The following NXN variants were observed in gnomAD, a reference collection of about 807,000 sequenced individuals.
NXN encodes nucleoredoxin 1.
NXN carries 16 observed loss-of-function variants against 48.6 expected under a neutral mutation model. That is an observed-to-expected ratio of 0.33 (90% CI 0.22 to 0.50). NXN has a LOEUF of 0.50. Among genes scored for constraint, NXN ranks in the 20% least tolerant of loss-of-function variants. The pLI is 0.98. For synonymous variants in NXN, 281 were observed against 269.6 expected (o/e 1.04, Z -0.41); for missense variants, 492 against 605.5 (o/e 0.81, Z 1.97).
rs543321885 is a variant in NXN at position 800,877 on chromosome 17, A to G, written c.*72T>C. On this transcript the variant is annotated 3_prime_UTR_variant, in exon 8 of 8. Transcript: ENST00000336868. ...GATTCGGGGCACGCTGGGTAAGTCC[A>G]AGGGCGGAAGGAAGGAGGGGGAGGA... is the stretch of plus-strand genomic sequence containing the variant. 1.7e-6 allele frequency: 2 copies of G among 1,157,722 alleles called. No individual in the cohort carries two copies. The highest frequency in any genetic ancestry group is 1.1e-6 in the Non-Finnish European group (1 of 870,556). 71.7% of individuals were successfully genotyped at this position (1,157,722 alleles called of 1,614,324 possible). A position where few individuals can be genotyped will look rare whatever the true frequency, so the allele number is the denominator to read the frequency against.
intron 1 of NXN, among the ~76,000 whole-genome samples, chr17:828,918 A>G (rs12449454): frequency 3.4e-5 from 4 of 116,862 alleles, no homozygotes; most frequent in Non-Finnish European, 5.3e-5. Flanking sequence ...ATTCTTGGAG[A>G]AAAAAAATCA....
intron 1 of NXN, among the ~76,000 whole-genome samples, chr17:900,193 G>A (rs879673681): frequency 6.6e-6 from 1 of 152,106 alleles, no homozygotes; most frequent in Non-Finnish European, 1.5e-5. Flanking sequence ...TGAACCCGGG[G>A]GGGCAGAGGT....
chr17:806,379 C>T (rs1021994208), intron 5 of NXN, among the ~76,000 whole-genome samples: 1 of 151,812 alleles, frequency 6.6e-6, no homozygotes, highest in Non-Finnish European at 1.5e-5. Context: ...AACCAGAAAC[C>T]GCGCAACCCC....
At chr17:944,004 A>G (rs1460373827) in intron 1 of NXN, among the ~76,000 whole-genome samples, 5 of 151,986 alleles carry the variant, frequency 3.3e-5, no homozygotes, top group Admixed American at 6.6e-5. Context: ...TTGGGAGGCC[A>G]AGGTGGGTGG....
chr17:903,082 A>G (rs1407556363), intron 1 of NXN, among the ~76,000 whole-genome samples: 1 of 151,872 alleles, frequency 6.6e-6, no homozygotes, highest in Non-Finnish European at 1.5e-5. Context: ...CCCTCCCATC[A>G]TTTCATCGAC....
rs578253137 is a variant in NXN at position 902,647 on chromosome 17, G to C, written c.361-76569C>G. Among the ~76,000 whole-genome samples, 71 of 152,216 alleles carry C rather than the reference G, an allele frequency of 4.7e-4. 1 individual carries two copies. Among genetic ancestry groups the C allele is most frequent in the African/African-American group, 1.4e-3 (60 of 41,526 alleles). ...AAGGAGACGTGAGGAAAAAAGGTAA[G>C]AGTCACACAGAACAAGCACCACGAC... On this transcript the variant is annotated intron_variant, in intron 1 of 7. Transcript: ENST00000336868.
chr17:823,362 G>T (rs1912920416), intron 3 of NXN, among the ~76,000 whole-genome samples: 3 of 151,624 alleles, frequency 2.0e-5, no homozygotes, highest in African/African-American at 7.3e-5. Context: ...TCGCGCCACT[G>T]CACTCCAGCC....
intron 7 of NXN, among the ~76,000 whole-genome samples, chr17:802,628 T>C (rs1911265011): frequency 6.6e-6 from 1 of 152,180 alleles, no homozygotes; most frequent in Non-Finnish European, 1.5e-5. Context: ...GCAGCCTCCC[T>C]GGGGCTGGGC....
chr17:801,600 G>T (rs1037157090), intron 7 of NXN, among the ~76,000 whole-genome samples: 2 of 151,458 alleles, frequency 1.3e-5, no homozygotes, highest in Non-Finnish European at 1.5e-5. Flanking sequence ...CGCCCACCAC[G>T]CCCGGCTAAT....
At chr17:853,702 C>CATATATATATATATATAT (rs571601948) in intron 1 of NXN, among the ~76,000 whole-genome samples, 125 of 119,264 alleles carry the variant, frequency 1.0e-3, no homozygotes, top group Non-Finnish European at 1.8e-3. Context: ...CTGTTATACA[C>CATATATATATATATATAT]ATATATATAT....
intron 1 of NXN, among the ~76,000 whole-genome samples, chr17:864,390 T>C (rs917677807): frequency 1.3e-5 from 2 of 152,218 alleles, no homozygotes; most frequent in African/African-American, 4.8e-5. Flanking sequence ...CTTAGATCCA[T>C]CTGTGTTCCC....
intron 1 of NXN, among the ~76,000 whole-genome samples, chr17:938,034 AAT>A (rs2068928644): frequency 6.6e-6 from 1 of 152,240 alleles, no homozygotes; most frequent in Admixed American, 6.5e-5. Flanking sequence ...AAGGAAGAGG[AAT>A]GGCTGCAGCT....
At chr17:913,850 T>TATAAA (rs2068659743) in intron 1 of NXN, among the ~76,000 whole-genome samples, 1 of 152,218 alleles carries the variant, frequency 6.6e-6, no homozygotes, top group Non-Finnish European at 1.5e-5. Flanking sequence ...GGACATTCAT[T>TATAAA]ATAACGGCGT....
chr17:946,229 G>A (rs1186871764), intron 1 of NXN, among the ~76,000 whole-genome samples: 2 of 39,446 alleles, frequency 5.1e-5, no homozygotes, highest in Non-Finnish European at 1.5e-4. Flanking sequence ...TCCGCCTCCC[G>A]GGGATCCCTG....
At chr17:891,131 C>A (rs2068412634) in intron 1 of NXN, among the ~76,000 whole-genome samples, 1 of 152,172 alleles carries the variant, frequency 6.6e-6, no homozygotes. Flanking sequence ...CAGGCTGTCA[C>A]ACAGTGGCAC....
chr17:890,286 A>C (rs1304887218), intron 1 of NXN, among the ~76,000 whole-genome samples: 1 of 152,174 alleles, frequency 6.6e-6, no homozygotes, highest in Non-Finnish European at 1.5e-5. Context: ...GTTTGAATAA[A>C]ATTTGTTTTA....
At chr17:872,611 AT>A (rs2068169248) in intron 1 of NXN, among the ~76,000 whole-genome samples, 6 of 117,272 alleles carry the variant, frequency 5.1e-5, no homozygotes, top group Admixed American at 5.0e-4. Flanking sequence ...TCCGGGTGAG[AT>A]CTTTTTTTTT....
At chr17:937,708 T>A (rs568846747) in intron 1 of NXN, among the ~76,000 whole-genome samples, 24 of 152,144 alleles carry the variant, frequency 1.6e-4, no homozygotes, top group Middle Eastern at 3.4e-3. Context: ...ATCAAAGGCA[T>A]CCGAGCTGGC....
chr17:926,345 C>A (rs1409723815), intron 1 of NXN, among the ~76,000 whole-genome samples: 2 of 152,024 alleles, frequency 1.3e-5, no homozygotes, highest in African/African-American at 2.4e-5. Context: ...CACCACTACA[C>A]CCGGCTAATT....
Sources: allele counts gnomAD v4.1 joint callset (sites outside exome capture counted in the v4.1 genomes callset), GRCh38; gene constraint gnomAD v4.1.1; transcripts MANE v1.5; gene names NCBI Gene and HGNC (gene_info 2026-07-23, HGNC 2026-07-21).